The following TSHZ2 variants were observed in gnomAD, a reference collection of about 807,000 sequenced individuals.
TSHZ2 encodes teashirt homolog 2.
Under a neutral mutation model 74.4 loss-of-function variants are expected in TSHZ2, and 21 were observed. That is an observed-to-expected ratio of 0.28 (90% confidence interval 0.20 to 0.41). The LOEUF (loss-of-function observed/expected upper bound fraction) is 0.41, where lower values mean the gene tolerates loss of function less well. Among genes scored for constraint, TSHZ2 ranks in the 10% least tolerant of loss-of-function variants. The pLI is 1.00. For synonymous variants in TSHZ2, 540 were observed against 515.3 expected (o/e 1.05, Z -0.65); for missense variants, 1,244 against 1,293.5 (o/e 0.96, Z 0.59).
In TSHZ2 at chr20:53,328,359, A is replaced by C. The variant is rs1257041219; in HGVS notation, c.*8+71788A>C. On this transcript the variant is annotated intron_variant, in intron 2 of 2. Coordinates refer to ENST00000371497, the MANE Select transcript of TSHZ2 (RefSeq NM_173485.6). ...TGTGCAAGCAGCAGGATATGTATAA[A>C]TCCAACTCTGTTTGTAAGTAGTTGG... is the stretch of plus-strand genomic sequence containing the variant. 2.0e-5 allele frequency among the ~76,000 whole-genome samples: 3 copies of C among 152,208 alleles called. No individual in the cohort carries two copies. The East Asian group carries it at 5.8e-4, about 29-fold the overall frequency.
chr20:53,196,708 A>G (rs1988880052), intron 1 of TSHZ2, among the ~76,000 whole-genome samples: 1 of 152,224 alleles, frequency 6.6e-6, no homozygotes. Flanking sequence ...TCTTATTCAC[A>G]CAACATGTGG....
intron 2 of TSHZ2, among the ~76,000 whole-genome samples, chr20:53,438,820 C>T (rs763261031): frequency 1.8e-4 from 28 of 152,220 alleles, no homozygotes; most frequent in Non-Finnish European, 3.1e-4. Flanking sequence ...ATTAGCCAGA[C>T]GTGGTGGCAC....
At chr20:53,329,645 A>G (rs1979638704) in intron 2 of TSHZ2, among the ~76,000 whole-genome samples, 3 of 148,956 alleles carry the variant, frequency 2.0e-5, no homozygotes, top group Non-Finnish European at 4.5e-5. Flanking sequence ...TTATATGGAT[A>G]ATGGTTGTGG....
At chr20:53,211,436 A>C (rs1207138202) in intron 1 of TSHZ2, among the ~76,000 whole-genome samples, 1 of 152,228 alleles carries the variant, frequency 6.6e-6, no homozygotes, top group Admixed American at 6.5e-5. Flanking sequence ...GAGGGATAAA[A>C]GGAACATTCA....
chr20:53,105,088 G>A (rs1289103699), intron 1 of TSHZ2, among the ~76,000 whole-genome samples: 3 of 152,166 alleles, frequency 2.0e-5, no homozygotes, highest in East Asian at 1.9e-4. Flanking sequence ...AGTCAAAAGA[G>A]AGTCACTCCC....
intron 2 of TSHZ2, among the ~76,000 whole-genome samples, chr20:53,274,989 C>T (rs73150609): frequency 0.027 from 4,085 of 152,258 alleles, 96 homozygotes; most frequent in East Asian, 0.11. Flanking sequence ...TTGGCCCCTG[C>T]TGGAGCTCAA....
At position 53,494,137 on chromosome 20, in the gene TSHZ2, C is replaced by T. The variant is rs1986517699; in HGVS notation, c.*7002C>T. 6.6e-6 allele frequency: 1 copy of T among 152,008 alleles called. No homozygotes were observed. Among genetic ancestry groups the T allele is most frequent in the Non-Finnish European group, 1.5e-5 (1 of 68,058 alleles). The allele number at this position is 152,008 out of a possible 1,614,324, so 9.4% of individuals were successfully genotyped here. On this transcript the variant is annotated 3_prime_UTR_variant, in exon 3 of 3. Coordinates refer to ENST00000371497, the MANE Select transcript of TSHZ2 (RefSeq NM_173485.6). ...TCGTCTCTACTAAAAATACAAAAAA[C>T]ATTAGCAGGGCATGGTGGTGCGTGC...
intron 2 of TSHZ2, among the ~76,000 whole-genome samples, chr20:53,350,817 G>T (rs1600824616): frequency 1.3e-5 from 2 of 152,296 alleles, no homozygotes; most frequent in Non-Finnish European, 2.9e-5. Flanking sequence ...GAATATTATA[G>T]TAACCTGTGG....
At chr20:53,309,500 C>A (rs1019215852) in intron 2 of TSHZ2, among the ~76,000 whole-genome samples, 4 of 152,086 alleles carry the variant, frequency 2.6e-5, no homozygotes, top group African/African-American at 9.7e-5. Context: ...AGAGAAGAAA[C>A]CACTGTACAT....
chr20:53,089,394 T>C (rs1466162778), intron 1 of TSHZ2, among the ~76,000 whole-genome samples: 1 of 149,132 alleles, frequency 6.7e-6, no homozygotes, highest in Non-Finnish European at 1.5e-5. Flanking sequence ...GTAAAGGGAA[T>C]GTACATTTTG....
At chr20:53,317,523 A>G (rs1246634940) in intron 2 of TSHZ2, among the ~76,000 whole-genome samples, 1 of 152,212 alleles carries the variant, frequency 6.6e-6, no homozygotes, top group Admixed American at 6.5e-5. Context: ...CCACCCCAGA[A>G]GCAAGTTTGA....
intron 2 of TSHZ2, among the ~76,000 whole-genome samples, chr20:53,375,180 A>G (rs1207724884): frequency 6.6e-6 from 1 of 152,216 alleles, no homozygotes; most frequent in Non-Finnish European, 1.5e-5. Flanking sequence ...AATCATTAGG[A>G]GAATAATAAT....
chr20:52,991,057 T>C (rs73913015), intron 1 of TSHZ2, among the ~76,000 whole-genome samples: 2,431 of 152,286 alleles, frequency 0.016, 59 homozygotes, highest in African/African-American at 0.056. Flanking sequence ...GTGTGATGTA[T>C]GTTGTGGGTA....
rs1985193508 is a variant in TSHZ2, at chr20:53,072,103, A to T, written c.40+98770A>T. Among the ~76,000 whole-genome samples the T allele has an allele frequency of 2.6e-5, 4 of 152,074 alleles. No homozygotes were observed. In the South Asian group the frequency reaches 8.3e-4, roughly 32 times the overall value. On this transcript the variant is annotated intron_variant, in intron 1 of 2. Coordinates refer to ENST00000371497, the MANE Select transcript of TSHZ2 (RefSeq NM_173485.6). ...ATGTCAGTCGCGCGGAGGCTGGGGA[A>T]CCCCGGTGGAATATTCTGTGCTATG...
At position 53,117,909 on chromosome 20, in the gene TSHZ2, C is replaced by CT. The variant is rs536973374; in HGVS notation, c.41-135589dup. 3.5e-4 allele frequency among the ~76,000 whole-genome samples: 54 copies of CT among 152,330 alleles called. No homozygotes were observed. In the East Asian group the frequency reaches 9.4e-3, roughly 27 times the overall value. On this transcript the variant is annotated intron_variant, in intron 1 of 2. Transcript: ENST00000371497. ...TACCTGTCTCTCCATTACTAAATGA[C>CT]TGAAATGGCACCTGGATGTAAAGGA...
intron 1 of TSHZ2, among the ~76,000 whole-genome samples, chr20:53,045,431 G>A (rs1984192961): frequency 6.6e-6 from 1 of 152,212 alleles, no homozygotes; most frequent in Admixed American, 6.5e-5. Flanking sequence ...GTGCACATCT[G>A]AATTCCTGGA....
chr20:53,064,380 T>C (rs2123175460), intron 1 of TSHZ2, among the ~76,000 whole-genome samples: 1 of 152,356 alleles, frequency 6.6e-6, no homozygotes, highest in East Asian at 1.9e-4. Context: ...AAAAGTCATG[T>C]ACAGTCAGAA....
At chr20:53,193,379 T>C (rs35912954) in intron 1 of TSHZ2, among the ~76,000 whole-genome samples, 1 of 151,912 alleles carries the variant, frequency 6.6e-6, no homozygotes, top group East Asian at 1.9e-4. Context: ...GTCAAGAGCA[T>C]GTATCCTTAG....
At chr20:53,417,241 G>GACACACACACACAC (rs56822266) in intron 2 of TSHZ2, among the ~76,000 whole-genome samples, 22 of 138,122 alleles carry the variant, frequency 1.6e-4, no homozygotes, top group African/African-American at 5.6e-4. Flanking sequence ...GACACACACA[G>GACACACACACACAC]ACACACACAC....
Sources: allele counts gnomAD v4.1 joint callset (sites outside exome capture counted in the v4.1 genomes callset), GRCh38; gene constraint gnomAD v4.1.1; transcripts MANE v1.5; gene names NCBI Gene and HGNC (gene_info 2026-07-23, HGNC 2026-07-21).